The following NUMB variants were observed in gnomAD, a reference collection of about 807,000 sequenced individuals.
The protein encoded by NUMB is protein numb homolog.
NUMB carries 29 observed loss-of-function variants against 59.7 expected under a neutral mutation model. The observed-to-expected ratio is 0.49, with a 90% CI of 0.36 to 0.66. The LOEUF (loss-of-function observed/expected upper bound fraction) is 0.66, where lower values mean the gene tolerates loss of function less well. Ranked by LOEUF, NUMB falls within the 30% of genes least tolerant of loss-of-function variation. NUMB has a pLI of 0.00. For missense variants in NUMB, 723 were observed against 822.0 expected (o/e 0.88, Z 1.47); for synonymous variants, 288 against 288.2 (o/e 1.00, Z 0.01).
Position 73,297,508 on chromosome 14 carries a change from A to G in NUMB, c.235-223T>C, listed in dbSNP as rs1322126442. On this transcript the variant is annotated intron_variant, in intron 6 of 12. Transcript: ENST00000555238. ...TATTTTAGAAACACAACGCAAAACA[A>G]TAAGATAAAATTAAGTAAAAGGGAA... is the stretch of plus-strand genomic sequence containing the variant. 3.0e-5 allele frequency: 11 copies of G among 367,970 alleles called. No homozygotes were observed. In the South Asian group the frequency reaches 5.6e-4, roughly 19 times the overall value. 22.8% of individuals were successfully genotyped at this position (367,970 alleles called of 1,614,324 possible). A position where few individuals can be genotyped will look rare whatever the true frequency, so the allele number is the denominator to read the frequency against.
At chr14:73,291,532 C>T (rs1312050723) in intron 8 of NUMB, among the ~76,000 whole-genome samples, 1 of 152,032 alleles carries the variant, frequency 6.6e-6, no homozygotes, top group Non-Finnish European at 1.5e-5. Context: ...CATGCGCCAC[C>T]ACACCTGGCT....
At chr14:73,375,726 T>C (rs1229720949) in intron 2 of NUMB, among the ~76,000 whole-genome samples, 2 of 152,224 alleles carry the variant, frequency 1.3e-5, no homozygotes, top group Non-Finnish European at 2.9e-5. Flanking sequence ...AAGTCCAGTT[T>C]ATCTCAGGTA....
At chr14:73,387,387 G>A (rs966792538) in intron 2 of NUMB, among the ~76,000 whole-genome samples, 5 of 152,122 alleles carry the variant, frequency 3.3e-5, no homozygotes, top group East Asian at 3.9e-4. Flanking sequence ...TCATGGTATC[G>A]TATCTCCTTT....
intron 7 of NUMB, among the ~76,000 whole-genome samples, chr14:73,293,508 C>T (rs553640214): frequency 2.8e-4 from 43 of 150,992 alleles, no homozygotes; most frequent in Middle Eastern, 3.4e-3. Context: ...TCTCCTGCCT[C>T]AGCCTCCCAA....
In NUMB at chr14:73,418,037, G is replaced by A. The variant is rs759835342; in HGVS notation, c.-232-7969C>T. On this transcript the variant is annotated intron_variant, in intron 1 of 12. Coordinates refer to ENST00000555238, the MANE Select transcript of NUMB (RefSeq NM_001005743.2). Reference sequence around the variant, plus strand: ...GGAGAATCACTTGAACCCAGGAGGCGGAGGTCACAGTGAGCTGAGATCATG... The same window carrying A: ...GGAGAATCACTTGAACCCAGGAGGCAGAGGTCACAGTGAGCTGAGATCATG... 1.8e-4 allele frequency among the ~76,000 whole-genome samples: 28 copies of A among 151,954 alleles called. 1 individual carries two copies. The highest frequency in any genetic ancestry group is 2.4e-4 in the Non-Finnish European group (16 of 67,932).
At chr14:73,367,509 C>T (rs1164771929) in intron 2 of NUMB, among the ~76,000 whole-genome samples, 1 of 151,728 alleles carries the variant, frequency 6.6e-6, no homozygotes, top group Non-Finnish European at 1.5e-5. Context: ...CAATTTGGGC[C>T]ATGCCTGTAA....
intron 6 of NUMB, among the ~76,000 whole-genome samples, chr14:73,303,114 A>G (rs2139863234): frequency 6.6e-6 from 1 of 152,234 alleles, no homozygotes; most frequent in East Asian, 1.9e-4. Flanking sequence ...GCTACTTGGG[A>G]GGGTGAGACA....
chr14:73,368,421 T>C (rs572567143), intron 2 of NUMB, among the ~76,000 whole-genome samples: 67 of 151,694 alleles, frequency 4.4e-4, no homozygotes, highest in African/African-American at 1.4e-3. Flanking sequence ...CTACTAAAAA[T>C]ACAAAAAATT....
chr14:73,422,617 G>T (rs1897398060), intron 1 of NUMB, among the ~76,000 whole-genome samples: 1 of 151,992 alleles, frequency 6.6e-6, no homozygotes, highest in Non-Finnish European at 1.5e-5. Context: ...AGGGCCTCGG[G>T]AAGCTTACAA....
intron 2 of NUMB, among the ~76,000 whole-genome samples, chr14:73,387,466 C>T (rs368067733): frequency 1.4e-4 from 21 of 152,240 alleles, no homozygotes; most frequent in African/African-American, 5.1e-4. Flanking sequence ...AAAAACCTCA[C>T]AAAATCTGAT....
chr14:73,395,037 T>TTTTGTGTGTG (rs1230785169), intron 2 of NUMB, among the ~76,000 whole-genome samples: 5 of 119,922 alleles, frequency 4.2e-5, no homozygotes, highest in Admixed American at 8.9e-5. Flanking sequence ...ATTCGTGTGT[T>TTTTGTGTGTG]TGTGTGTGTG....
chr14:73,311,493 A>T (rs1242232135), intron 6 of NUMB, among the ~76,000 whole-genome samples: 1 of 152,200 alleles, frequency 6.6e-6, no homozygotes, highest in East Asian at 1.9e-4. Context: ...CTACTGCTAA[A>T]GTTTCTGGAG....
chr14:73,393,510 T>C (rs1189182166), intron 2 of NUMB, among the ~76,000 whole-genome samples: 1 of 152,204 alleles, frequency 6.6e-6, no homozygotes, highest in Non-Finnish European at 1.5e-5. Context: ...TGACAGACTC[T>C]AATGCCATCA....
chr14:73,330,829 G>C (rs765781531), intron 4 of NUMB, among the ~76,000 whole-genome samples: 5 of 152,192 alleles, frequency 3.3e-5, no homozygotes, highest in Non-Finnish European at 5.9e-5. Context: ...TACAGGAATT[G>C]GCCATGCAAT....
At chr14:73,423,176 A>T (rs949294994) in intron 1 of NUMB, among the ~76,000 whole-genome samples, 1 of 152,106 alleles carries the variant, frequency 6.6e-6, no homozygotes, top group African/African-American at 2.4e-5. Flanking sequence ...ACAGATAAAA[A>T]GGAGTATTTA....
At chr14:73,364,961 G>A (rs1008936310) in intron 3 of NUMB, among the ~76,000 whole-genome samples, 1 of 152,124 alleles carries the variant, frequency 6.6e-6, no homozygotes, top group Non-Finnish European at 1.5e-5. Flanking sequence ...AAGAAATAAA[G>A]CATGGGAAAG....
chr14:73,379,818 G>A (rs1044669521), intron 2 of NUMB, among the ~76,000 whole-genome samples: 3 of 152,280 alleles, frequency 2.0e-5, no homozygotes, highest in South Asian at 2.1e-4. Context: ...GAAGGGAGGC[G>A]AGGAAATGAG....
intron 1 of NUMB, among the ~76,000 whole-genome samples, chr14:73,455,043 T>G (rs892153230): frequency 3.9e-5 from 6 of 152,320 alleles, no homozygotes; most frequent in Admixed American, 1.3e-4. Context: ...GTGAAAAGTC[T>G]GCATCTGCTT....
chr14:73,361,258 T>C (rs77483764), intron 3 of NUMB, among the ~76,000 whole-genome samples: 1 of 152,182 alleles, frequency 6.6e-6, no homozygotes, highest in Admixed American at 6.5e-5. Context: ...CAGCATCCAT[T>C]CAATAAGTTA....
Sources: allele counts gnomAD v4.1 joint callset (sites outside exome capture counted in the v4.1 genomes callset), GRCh38; gene constraint gnomAD v4.1.1; transcripts MANE v1.5; gene names NCBI Gene and HGNC (gene_info 2026-07-23, HGNC 2026-07-21).